Variants in CAP1 observed in about 807,000 individuals in gnomAD.
The protein encoded by CAP1 is cyclase associated actin cytoskeleton regulatory protein 1, also known as adenylyl cyclase-associated protein 1.
CAP1 carries 11 observed loss-of-function variants against 58.2 expected under a neutral mutation model. That is an observed-to-expected ratio of 0.19 (90% CI 0.12 to 0.31). The LOEUF (loss-of-function observed/expected upper bound fraction) is 0.31. Among genes scored for constraint, CAP1 ranks in the 10% least tolerant of loss-of-function variants. CAP1 has a pLI of 1.00. For synonymous variants in CAP1, 183 were observed against 213.8 expected (o/e 0.86, Z 1.26); for missense variants, 423 against 587.5 (o/e 0.72, Z 2.89).
chr1:40,047,568 C>T (rs189534404), intron 1 of CAP1, among the ~76,000 whole-genome samples: 14 of 152,306 alleles, frequency 9.2e-5, no homozygotes, highest in African/African-American at 3.4e-4. Flanking sequence ...TTGAATCCAT[C>T]TTTATATATT....
At chr1:40,067,324 G>T in intron 7 of CAP1, 1 of 463,304 alleles carries the variant, frequency 2.2e-6, no homozygotes, top group Non-Finnish European at 3.8e-6. Context: ...GAGTTCAAAG[G>T]CAAAATGTGA....
At chr1:40,059,973 T>C (rs1646778872) in intron 2 of CAP1, 94 bp from the exon 3 acceptor site, 8 of 952,264 alleles carry the variant, frequency 8.4e-6, no homozygotes, top group Non-Finnish European at 1.3e-5. Flanking sequence ...CTGTTGACTG[T>C]ATTACCTTGC....
At position 40,070,842 on chromosome 1, in the gene CAP1, G is replaced by A. The variant is rs1647811427; in HGVS notation, c.1207G>A (p.Gly403Ser). Reference sequence around the variant, plus strand: ...CTCTTTGTTTACTCTGCAGGTAATGGGTAAAGTGCCAACCATATCCATCAA... The same window carrying A: ...CTCTTTGTTTACTCTGCAGGTAATGAGTAAAGTGCCAACCATATCCATCAA... ...NSKDVKVQVM[G>S]KVPTISINKT... The change falls in exon 12 of 13, where the codon GGT becomes AGT. Residue 403 changes from glycine (G) to serine (S), a missense_variant. Coordinates refer to ENST00000372805, the MANE Select transcript of CAP1 (RefSeq NM_006367.4). 1.2e-6 allele frequency: 2 copies of A among 1,610,206 alleles called. No homozygotes were observed. The highest frequency in any genetic ancestry group is 1.7e-6 in the Non-Finnish European group (2 of 1,178,880).
In CAP1 at chr1:40,064,515, C is replaced by T. The variant is rs767182165; in HGVS notation, c.480C>T (p.Ala160=). Residue 160 remains alanine, a synonymous_variant, in exon 6 of 13, where the codon GCC becomes GCT. Transcript: ENST00000372805. ...CTTATGTGAAAGAAATGAATGATGC[C>T]GCCATGTTTTATACAAACCGAGTCC... is the stretch of plus-strand genomic sequence containing the variant. ...PGPYVKEMND[A]AMFYTNRVLK... The T allele has an allele frequency of 6.2e-6, 10 of 1,613,846 alleles. No individual in the cohort carries two copies. The highest frequency in any genetic ancestry group is 1.1e-5 in the South Asian group (1 of 91,064).
At chr1:40,067,822 G>T in intron 8 of CAP1, 105 bp downstream of exon 8, 1 of 781,296 alleles carries the variant, frequency 1.3e-6, no homozygotes, top group Non-Finnish European at 2.1e-6. Flanking sequence ...GTGTGGTGGA[G>T]ACTCGTTTGG....
chr1:40,041,562 C>T (rs973855154), intron 1 of CAP1: 1 of 152,168 alleles, frequency 6.6e-6, no homozygotes, highest in African/African-American at 2.4e-5. Context: ...GTGTCTGTGG[C>T]CATAGGTGCC....
chr1:40,059,608 G>A, intron 2 of CAP1, 150 bp downstream of exon 2: 1 of 574,296 alleles, frequency 1.7e-6, no homozygotes, highest in Non-Finnish European at 3.2e-6. Flanking sequence ...GATAAGAGAG[G>A]AAATGACTTG....
At chr1:40,055,335 TATC>T (rs5773685) in intron 1 of CAP1, among the ~76,000 whole-genome samples, 105,291 of 151,724 alleles carry the variant, frequency 0.69, 36,799 homozygotes, top group Non-Finnish European at 0.74. Flanking sequence ...GCAACTCTAA[TATC>T]ATATCTTAAA....
chr1:40,045,285 A>G (rs950414946), intron 1 of CAP1, among the ~76,000 whole-genome samples: 1 of 152,178 alleles, frequency 6.6e-6, no homozygotes, highest in African/African-American at 2.4e-5. Flanking sequence ...TGATTGTACA[A>G]TGTCCCCAAC....
chr1:40,067,698 G>A lies in CAP1; in HGVS notation c.789G>A (p.Gln263=), dbSNP rs1162090718. The change falls in exon 8 of 13, where the codon CAG becomes CAA. Residue 263 remains glutamine, a synonymous_variant. Transcript: ENST00000372805. The part of the protein sequence containing the change: ...SRSSLFAQIN[Q]GESITHALKH... ...CATCACTGTTCGCGCAGATTAATCAGGGGGAGAGCATTACACATGGTGAGT... is the reference window on the plus strand; with the variant it reads ...CATCACTGTTCGCGCAGATTAATCAAGGGGAGAGCATTACACATGGTGAGT... The A allele has an allele frequency of 4.4e-6, 7 of 1,601,466 alleles. No individual in the cohort carries two copies. The highest frequency in any genetic ancestry group is 1.7e-5 in the Admixed American group (1 of 58,018).
intron 1 of CAP1, among the ~76,000 whole-genome samples, chr1:40,049,615 C>T (rs566114577): frequency 6.6e-6 from 1 of 152,262 alleles, no homozygotes; most frequent in East Asian, 1.9e-4. Context: ...GTTCTCATGA[C>T]TTCATGACAG....
chr1:40,067,642 A>G lies in CAP1; in HGVS notation c.733A>G (p.Ile245Val). 1.9e-6 allele frequency: 3 copies of G among 1,571,756 alleles called. No individual in the cohort carries two copies. The highest frequency in any genetic ancestry group is 2.6e-6 in the Non-Finnish European group (3 of 1,153,706). Residue 245 changes from isoleucine to valine, a missense_variant, in exon 8 of 13, where the codon ATT becomes GTT. Transcript: ENST00000372805. ...CCCCCCTCCTCCCCCAGTCTCTACC[A>G]TTTCATGCTCATATGAGTCTGCTTC... ...PCPPPPPVSTISCSYESASRS... is the reference protein window; with the variant it reads ...PCPPPPPVSTVSCSYESASRS...
chr1:40,044,126 CTCACCCTTTTT>C (rs1645972294), intron 1 of CAP1, among the ~76,000 whole-genome samples: 1 of 151,958 alleles, frequency 6.6e-6, no homozygotes, highest in Non-Finnish European at 1.5e-5. Context: ...ATCTTTTATT[CTCACCCTTTTT>C]CCTGGTTGCA....
At chr1:40,064,609 C>T (rs781308107) in intron 6 of CAP1, 50 bp downstream of exon 6, 13 of 1,395,382 alleles carry the variant, frequency 9.3e-6, no homozygotes, top group Admixed American at 5.1e-5. Flanking sequence ...CAGTGTCTTG[C>T]GTTGTCACCC....
chr1:40,059,873 G>C (rs954365292), intron 2 of CAP1, among the ~76,000 whole-genome samples, 194 bp from the exon 3 acceptor site: 2 of 152,152 alleles, frequency 1.3e-5, no homozygotes, highest in African/African-American at 4.8e-5. Flanking sequence ...ATTAAGCTCA[G>C]AGAGGAAAAG....
In CAP1 at chr1:40,071,518, A is replaced by G. The variant is rs780516885; in HGVS notation, c.1413A>G (p.Thr471=). ...GGCAGAAGTTGGTCACCACAGTGAC[A>G]GAAATTGCTGGATAAGCGAAGTGCC... ...WNGQKLVTTV[T]EIAG The change falls in exon 13 of 13, where the codon ACA becomes ACG. Residue 471 remains threonine (T), a synonymous_variant. Coordinates refer to ENST00000372805, the MANE Select transcript of CAP1 (RefSeq NM_006367.4). 3 of 1,612,594 alleles carry G rather than the reference A, an allele frequency of 1.9e-6. No individual in the cohort carries two copies. The highest frequency in any genetic ancestry group is 2.5e-6 in the Non-Finnish European group (3 of 1,178,596).
In CAP1 at chr1:40,066,760, G is replaced by C. The variant is rs79647291; in HGVS notation, c.630+440G>C. Among the ~76,000 whole-genome samples the C allele has an allele frequency of 5.9e-5, 9 of 152,302 alleles. No individual in the cohort carries two copies. In the South Asian group the frequency reaches 1.2e-3, roughly 21 times the overall value. On this transcript the variant is annotated intron_variant, in intron 7 of 12. Coordinates refer to ENST00000372805, the MANE Select transcript of CAP1 (RefSeq NM_006367.4). Reference sequence around the variant, plus strand: ...AGGTATATACTCTTCTGTGAGACTTGAAAGTAGTATAGGGCAGTGAGAAGT... The same window carrying C: ...AGGTATATACTCTTCTGTGAGACTTCAAAGTAGTATAGGGCAGTGAGAAGT...
intron 1 of CAP1, among the ~76,000 whole-genome samples, chr1:40,044,291 A>AT (rs902811960): frequency 3.3e-5 from 5 of 151,676 alleles, no homozygotes; most frequent in East Asian, 1.9e-4. Context: ...TGTGAATCAA[A>AT]TTTTTTTTTA....
At chr1:40,064,618 C>T in intron 6 of CAP1, 59 bp downstream of exon 6, 2 of 1,336,062 alleles carry the variant, frequency 1.5e-6, no homozygotes, top group Non-Finnish European at 2.1e-6. Flanking sequence ...GCGTTGTCAC[C>T]CAGGCTGAAG....
Sources: gnomAD v4.1 joint callset for allele counts (sites outside exome capture counted in the v4.1 genomes callset) on GRCh38, gnomAD v4.1.1 for gene constraint, MANE v1.5 for transcripts, NCBI Gene and HGNC (gene_info 2026-07-23, HGNC 2026-07-21) for gene names.